PCDH15: variants seen among roughly 807,000 people sequenced by gnomAD.
The protein encoded by PCDH15 is protocadherin related 15.
Under a neutral mutation model 178.5 loss-of-function variants are expected in PCDH15, and 129 were observed. That is an observed-to-expected ratio of 0.72 (90% CI 0.63 to 0.84). The LOEUF (loss-of-function observed/expected upper bound fraction) is 0.84, where lower values mean the gene tolerates loss of function less well. PCDH15 is among the 40% of genes least tolerant of loss of function. The pLI is 0.00. For synonymous variants in PCDH15, 800 were observed against 732.0 expected (o/e 1.09, Z -1.50); for missense variants, 2,230 against 2,099.9 (o/e 1.06, Z -1.21).
At chr10:54,623,151 C>T (rs995431951) in intron 2 of PCDH15, among the ~76,000 whole-genome samples, 4 of 152,114 alleles carry the variant, frequency 2.6e-5, no homozygotes, top group East Asian at 1.9e-4. Context: ...TCCACCATTG[C>T]GCTGACTTCT....
intron 2 of PCDH15, among the ~76,000 whole-genome samples, chr10:55,537,466 C>T (rs1006543717): frequency 6.6e-6 from 1 of 151,984 alleles, no homozygotes; most frequent in African/African-American, 2.4e-5. Context: ...GACAGAGTCT[C>T]GCTTTGTTGC....
At chr10:54,712,157 C>A (rs1032250233) in intron 1 of PCDH15, among the ~76,000 whole-genome samples, 2 of 151,684 alleles carry the variant, frequency 1.3e-5, no homozygotes, top group African/African-American at 2.4e-5. Flanking sequence ...ATTATCAATT[C>A]TTTTCCTTTA....
rs1295274779 is a variant in PCDH15 at position 54,299,273 on chromosome 10, CAG to C, written c.876+17996_876+17997del. Among the ~76,000 whole-genome samples the C allele has an allele frequency of 5.4e-5, 8 of 149,094 alleles. No individual in the cohort carries two copies. In the South Asian group the frequency reaches 1.7e-3, roughly 31 times the overall value. Reference sequence around the variant, plus strand: ...TGAGAGAGAGGAAGAGACAGAGAGACAGAGAGTCAAAGAAGTAAAGAGAGGAA... The same window carrying C: ...TGAGAGAGAGGAAGAGACAGAGAGACAGAGTCAAAGAAGTAAAGAGAGGAA... On this transcript the variant is annotated intron_variant, in intron 8 of 37. Coordinates refer to ENST00000644397, the MANE Select transcript of PCDH15 (RefSeq NM_001384140.1).
At chr10:55,555,845 T>G (rs910476594) in intron 2 of PCDH15, among the ~76,000 whole-genome samples, 1 of 152,118 alleles carries the variant, frequency 6.6e-6, no homozygotes, top group Non-Finnish European at 1.5e-5. Context: ...AATAAAATTA[T>G]TAAAAACATA....
intron 2 of PCDH15, among the ~76,000 whole-genome samples, chr10:55,444,475 A>G (rs1839270632): frequency 6.6e-6 from 1 of 152,112 alleles, no homozygotes; most frequent in East Asian, 1.9e-4. Flanking sequence ...GGAAATTGGA[A>G]AATAAATCAG....
rs373796184 is a variant in PCDH15, at chr10:55,005,207, A to AAAT, written c.-79-107710_-79-107708dup. ...GGTAATATAGTGAGACCCTGTCTCT[A>AAAT]AATAATAATAATAATAATAATCAAT... On this transcript the variant is annotated intron_variant, in intron 2 of 5. Coordinates refer to the PCDH15 transcript ENST00000458638. Among the ~76,000 whole-genome samples the AAAT allele has an allele frequency of 4.8e-5, 5 of 103,332 alleles. No individual in the cohort carries two copies. The East Asian group carries it at 9.4e-4, about 19-fold the overall frequency. 67.8% of individuals were successfully genotyped at this position (103,332 alleles called of 152,430 possible).
chr10:54,329,798 G>A, intron 6 of PCDH15, 92 bp from the exon 7 acceptor site: 3 of 836,422 alleles, frequency 3.6e-6, no homozygotes, highest in South Asian at 2.7e-5. Flanking sequence ...GGAAGTTAGA[G>A]ATGACATGCT....
intron 2 of PCDH15, among the ~76,000 whole-genome samples, chr10:54,594,406 G>C (rs186210976): frequency 1.3e-4 from 20 of 152,142 alleles, no homozygotes; most frequent in Admixed American, 1.2e-3. Flanking sequence ...CAGGCCCCCT[G>C]AGCACCCTTT....
At chr10:55,322,111 G>A (rs1843916540), upstream of PCDH15, among the ~76,000 whole-genome samples, 2 of 152,156 alleles carry the variant, frequency 1.3e-5, no homozygotes, top group African/African-American at 2.4e-5. Context: ...TTGAATCATG[G>A]GAGGGGTATC....
At chr10:54,286,467 C>A (rs895650672) in intron 8 of PCDH15, among the ~76,000 whole-genome samples, 3 of 151,890 alleles carry the variant, frequency 2.0e-5, no homozygotes, top group Admixed American at 6.6e-5. Context: ...TTATTGTATC[C>A]TTTCAAAACA....
rs547384642 is a variant in PCDH15 at position 55,524,588 on chromosome 10, C to A, written c.-156+103037G>T. Among the ~76,000 whole-genome samples the A allele has an allele frequency of 1.2e-3, 182 of 151,550 alleles. 1 individual carries two copies. Among genetic ancestry groups the A allele is most frequent in the Non-Finnish European group, 5.6e-4 (38 of 67,732 alleles). On this transcript the variant is annotated intron_variant, in intron 2 of 5. Coordinates refer to the PCDH15 transcript ENST00000613346. Reference sequence around the variant, plus strand: ...AACAATTTTAAAATTGCATACATATCTTGCAATAGATTTCTCTTGGTGGGT... The same window carrying A: ...AACAATTTTAAAATTGCATACATATATTGCAATAGATTTCTCTTGGTGGGT...
intron 1 of PCDH15, among the ~76,000 whole-genome samples, chr10:55,263,532 G>A (rs2132237713): frequency 6.6e-6 from 1 of 152,114 alleles, no homozygotes; most frequent in South Asian, 2.1e-4. Flanking sequence ...AGCCACGAGG[G>A]GGAGAGGGAG....
At chr10:54,798,805 ATGG>A (rs1952333620) in intron 1 of PCDH15, among the ~76,000 whole-genome samples, 2 of 152,054 alleles carry the variant, frequency 1.3e-5, no homozygotes, top group South Asian at 4.1e-4. Flanking sequence ...GTAAATGTAT[ATGG>A]GGGGCTTCTG....
At chr10:54,378,512 A>G (rs1565125419) in intron 4 of PCDH15, among the ~76,000 whole-genome samples, 1 of 152,142 alleles carries the variant, frequency 6.6e-6, no homozygotes, top group East Asian at 1.9e-4. Context: ...TGCCAAGGGT[A>G]CCACCTCTTT....
intron 26 of PCDH15, among the ~76,000 whole-genome samples, chr10:53,890,882 TG>T (rs2081510254): frequency 1.3e-5 from 2 of 152,216 alleles, no homozygotes; most frequent in Non-Finnish European, 2.9e-5. Context: ...TCTCCAGGCC[TG>T]CGGGTTTCCC....
intron 2 of PCDH15, among the ~76,000 whole-genome samples, chr10:54,558,417 A>C (rs556341191): frequency 6.6e-6 from 1 of 152,204 alleles, no homozygotes. Flanking sequence ...TTGTTTCCAC[A>C]TGCATCTCGC....
At chr10:54,336,480 G>A (rs1592179) in intron 6 of PCDH15, among the ~76,000 whole-genome samples, 10,749 of 152,124 alleles carry the variant, frequency 0.071, 490 homozygotes, top group African/African-American at 0.12. Context: ...TCGGTGCCCC[G>A]TGTCCCAGCT....
chr10:54,696,725 A>G (rs532303425), intron 1 of PCDH15, among the ~76,000 whole-genome samples: 204 of 152,088 alleles, frequency 1.3e-3, no homozygotes, highest in African/African-American at 4.8e-3. Context: ...TTTCCACCCT[A>G]AATTTCTACT....
At chr10:54,132,654 C>T (rs745650140) in intron 15 of PCDH15, among the ~76,000 whole-genome samples, 3 of 152,174 alleles carry the variant, frequency 2.0e-5, no homozygotes, top group Admixed American at 6.5e-5. Flanking sequence ...GCCTGCCAAA[C>T]GTTAGTTCTT....
Sources: gnomAD v4.1 joint callset for allele counts (sites outside exome capture counted in the v4.1 genomes callset) on GRCh38, gnomAD v4.1.1 for gene constraint, MANE v1.5 for transcripts, NCBI Gene and HGNC (gene_info 2026-07-23, HGNC 2026-07-21) for gene names.